Variants in CTIF observed in about 807,000 individuals in gnomAD.
CTIF encodes cap binding complex dependent translation initiation factor.
CTIF carries 21 observed loss-of-function variants against 66.0 expected under a neutral mutation model. The observed-to-expected ratio is 0.32, with a 90% CI of 0.23 to 0.46. CTIF has a LOEUF of 0.46. CTIF is among the 20% of genes least tolerant of loss of function. CTIF has a pLI of 1.00. For synonymous variants in CTIF, 345 were observed against 326.4 expected (o/e 1.06, Z -0.62); for missense variants, 739 against 812.7 (o/e 0.91, Z 1.10).
At chr18:48,742,652 C>G (rs80068795) in intron 7 of CTIF, among the ~76,000 whole-genome samples, 100 of 152,354 alleles carry the variant, frequency 6.6e-4, no homozygotes, top group African/African-American at 2.2e-3. Flanking sequence ...TCATTTAACC[C>G]TCAGAAGCCA....
intron 7 of CTIF, among the ~76,000 whole-genome samples, chr18:48,713,772 C>G (rs776176719): frequency 1.2e-4 from 19 of 152,148 alleles, no homozygotes; most frequent in Non-Finnish European, 2.5e-4. Flanking sequence ...GGGACCCAGA[C>G]TAGAGGAAGT....
intron 7 of CTIF, among the ~76,000 whole-genome samples, chr18:48,746,099 G>T (rs887817156): frequency 6.6e-6 from 1 of 152,268 alleles, no homozygotes. Flanking sequence ...TCCGCCAAGA[G>T]CCTGGAGGCT....
chr18:48,715,835 G>A (rs75283955), intron 7 of CTIF, among the ~76,000 whole-genome samples: 3,687 of 152,344 alleles, frequency 0.024, 49 homozygotes, highest in Middle Eastern at 0.068. Flanking sequence ...GAGAGAAGTT[G>A]GGCTGCAGTG....
intron 10 of CTIF, among the ~76,000 whole-genome samples, chr18:48,843,804 G>A (rs932142016): frequency 2.0e-5 from 3 of 152,062 alleles, no homozygotes; most frequent in Admixed American, 1.3e-4. Context: ...ACCTTTGGCC[G>A]GCCTCTCCCC....
intron 6 of CTIF, among the ~76,000 whole-genome samples, chr18:48,694,304 T>C (rs1010561547): frequency 2.6e-5 from 4 of 151,944 alleles, no homozygotes; most frequent in African/African-American, 9.7e-5. Context: ...TGGATTCAGG[T>C]GAGGAGGGCT....
At chr18:48,851,410 G>A (rs1019319582) in intron 10 of CTIF, among the ~76,000 whole-genome samples, 6 of 152,164 alleles carry the variant, frequency 3.9e-5, no homozygotes, top group African/African-American at 1.4e-4. Context: ...AGGGCAAAGC[G>A]CTCACTGTCA....
intron 7 of CTIF, among the ~76,000 whole-genome samples, chr18:48,739,398 C>T (rs539978580): frequency 6.6e-6 from 1 of 152,362 alleles, no homozygotes; most frequent in Admixed American, 6.5e-5. Flanking sequence ...GCCTGATGGG[C>T]CACTGCGGGG....
chr18:48,680,835 T>A (rs1203442052), intron 6 of CTIF, among the ~76,000 whole-genome samples: 1 of 152,200 alleles, frequency 6.6e-6, no homozygotes, highest in African/African-American at 2.4e-5. Context: ...CATTATTCCT[T>A]TATTAGCCAA....
chr18:48,857,880 G>T (rs2069366511), intron 11 of CTIF, among the ~76,000 whole-genome samples: 1 of 115,484 alleles, frequency 8.7e-6, no homozygotes, highest in Admixed American at 8.9e-5. Context: ...ATTCCCAGTG[G>T]CATTGCCTAC....
intron 1 of CTIF, among the ~76,000 whole-genome samples, chr18:48,552,375 C>T (rs2088905314): frequency 6.6e-6 from 1 of 152,220 alleles, no homozygotes; most frequent in Admixed American, 6.5e-5. Context: ...TTCTGGATTC[C>T]TGTGTCTTAG....
intron 7 of CTIF, among the ~76,000 whole-genome samples, chr18:48,715,469 A>G (rs2092271019): frequency 6.6e-6 from 1 of 152,152 alleles, no homozygotes; most frequent in South Asian, 2.1e-4. Flanking sequence ...GCCCCATGCA[A>G]GTTGGAGACC....
intron 2 of CTIF, among the ~76,000 whole-genome samples, chr18:48,634,368 T>C (rs2144602605): frequency 6.6e-6 from 1 of 152,206 alleles, no homozygotes; most frequent in African/African-American, 2.4e-5. Context: ...TTAATAAATA[T>C]CTTGGGGGAA....
chr18:48,802,327 CG>C (rs1485516137), intron 9 of CTIF, among the ~76,000 whole-genome samples: 2 of 152,256 alleles, frequency 1.3e-5, no homozygotes, highest in African/African-American at 4.8e-5. Context: ...TCCAAGCCCT[CG>C]GCCTCTCTCC....
At chr18:48,819,997 C>T (rs556943798) in intron 10 of CTIF, among the ~76,000 whole-genome samples, 10 of 152,290 alleles carry the variant, frequency 6.6e-5, no homozygotes, top group African/African-American at 1.7e-4. Flanking sequence ...GCCCGGGGCA[C>T]GGCGTCTGGC....
intron 7 of CTIF, among the ~76,000 whole-genome samples, chr18:48,721,121 C>T (rs937682791): frequency 4.6e-5 from 7 of 152,308 alleles, no homozygotes; most frequent in Non-Finnish European, 7.4e-5. Context: ...TACTCTTTCT[C>T]GATCACAATA....
chr18:48,747,913 A>G (rs1907398457), intron 7 of CTIF, among the ~76,000 whole-genome samples: 1 of 151,406 alleles, frequency 6.6e-6, no homozygotes, highest in African/African-American at 2.4e-5. Context: ...CAAAAACCAA[A>G]ACCCTGACTC....
chr18:48,827,682 GC>G (rs11306829), intron 10 of CTIF, among the ~76,000 whole-genome samples: 108,259 of 151,918 alleles, frequency 0.71, 38,896 homozygotes, highest in East Asian at 0.97. Context: ...CCTTCCTAGG[GC>G]CAGGTACCCA....
intron 1 of CTIF, among the ~76,000 whole-genome samples, chr18:48,587,890 G>A (rs1362641663): frequency 6.6e-6 from 1 of 152,162 alleles, no homozygotes; most frequent in Non-Finnish European, 1.5e-5. Context: ...CTGAAAAGAG[G>A]ATTACTTACA....
chr18:48,697,614 C>T (rs2092025636), intron 6 of CTIF, among the ~76,000 whole-genome samples: 2 of 152,204 alleles, frequency 1.3e-5, no homozygotes, highest in Admixed American at 1.3e-4. Context: ...GACCATTCTC[C>T]AGTCTAACTC....
Sources: allele counts gnomAD v4.1 joint callset (sites outside exome capture counted in the v4.1 genomes callset), GRCh38; gene constraint gnomAD v4.1.1; transcripts MANE v1.5; gene names NCBI Gene and HGNC (gene_info 2026-07-23, HGNC 2026-07-21).